Variants in MXD3 observed in about 807,000 individuals in gnomAD.
The protein encoded by MXD3 is MAX dimerization protein 3, also known as Max-associated protein 3.
A neutral mutation model predicts 27.5 loss-of-function variants in MXD3; 20 were observed. That is an observed-to-expected ratio of 0.73 (90% CI 0.51 to 1.06). The LOEUF (loss-of-function observed/expected upper bound fraction) is 1.06. Ranked by LOEUF, MXD3 falls within the 50% of genes least tolerant of loss-of-function variation. The pLI is 0.00. For synonymous variants in MXD3, 150 were observed against 130.7 expected, an observed-to-expected ratio of 1.15 and a Z score of -1.01; for missense variants, 298 against 291.3, an observed-to-expected ratio of 1.02 and a Z score of -0.17.
intron 1 of MXD3, 136 bp downstream of exon 1, chr5:177,311,625 T>C: frequency 8.8e-7 from 1 of 1,141,762 alleles, no homozygotes; most frequent in East Asian, 2.8e-5. Context: ...GCCCCGGGAC[T>C]CCTCTCGAGT....
Position 177,307,432 on chromosome 5 carries a change from G to T in MXD3, c.*156C>A. 1 of 1,509,842 alleles carries T rather than the reference G, an allele frequency of 6.6e-7. No individual in the cohort carries two copies. Among genetic ancestry groups the T allele is most frequent in the Non-Finnish European group, 8.9e-7 (1 of 1,119,228 alleles). 93.5% of individuals were successfully genotyped at this position (1,509,842 alleles called of 1,614,324 possible). On this transcript the variant is annotated 3_prime_UTR_variant, in exon 6 of 6. Coordinates refer to ENST00000439742, the MANE Select transcript of MXD3 (RefSeq NM_031300.4). ...CAGAGGGCCTGCCTGGCAGCCAGCA[G>T]CAGGGTGTTTGGGGAGCACCTGTTC...
chr5:177,307,630 G>A lies in MXD3; in HGVS notation c.579C>T (p.Gly193=). ...EAELLRGFVA[G]QEHSYSHGGG... ...CGCCGTGCGAGTAGCTGTGCTCCTGGCCGGCGACGAAGCCCCGCAGCAGCT... is the reference window on the plus strand; with the variant it reads ...CGCCGTGCGAGTAGCTGTGCTCCTGACCGGCGACGAAGCCCCGCAGCAGCT... The change falls in exon 6 of 6, where the codon GGC becomes GGT. Residue 193 remains glycine, a synonymous_variant. Transcript: ENST00000439742. 1 of 1,613,278 alleles carries A rather than the reference G, an allele frequency of 6.2e-7. No homozygotes were observed. Among genetic ancestry groups the A allele is most frequent in the Non-Finnish European group, 8.5e-7 (1 of 1,179,936 alleles).
At position 177,311,823 on chromosome 5, in the gene MXD3, G is replaced by T; in HGVS notation, c.8C>A (p.Pro3His). Residue 3 changes from proline to histidine, a missense_variant, in exon 1 of 6, where the codon CCC (proline) becomes CAC (histidine). Pro to His is a moderately conservative substitution (Grantham distance 77). Transcript: ENST00000439742. ...CAGGACCTGGATGTTGCTGGCCAAG[G>T]GTTCCATGTCGGCGACAGCTGGCGG... is the stretch of plus-strand genomic sequence containing the variant. MEPLASNIQVLLQ... is the reference protein window; with the variant it reads MEHLASNIQVLLQ... 2 of 1,612,328 alleles carry T rather than the reference G, an allele frequency of 1.2e-6. No individual in the cohort carries two copies. The highest frequency in any genetic ancestry group is 2.2e-5 in the South Asian group (2 of 90,824).
At chr5:177,305,778 G>C (rs2073235191), downstream of MXD3, 2 of 1,020,300 alleles carry the variant, frequency 2.0e-6, no homozygotes, top group African/African-American at 1.6e-5. Flanking sequence ...TCATTGTATT[G>C]CTTCGCCTCA....
chr5:177,307,429 G>A lies in MXD3; in HGVS notation c.*159C>T, dbSNP rs768818111. 1.5e-5 allele frequency: 22 copies of A among 1,505,888 alleles called. No homozygotes were observed. The South Asian group carries it at 2.5e-4, about 17-fold the overall frequency. The allele number at this position is 1,505,888 out of a possible 1,614,324, so 93.3% of individuals were successfully genotyped here. A position where few individuals can be genotyped will look rare whatever the true frequency, so the allele number is the denominator to read the frequency against. On this transcript the variant is annotated 3_prime_UTR_variant, in exon 6 of 6. Coordinates refer to ENST00000439742, the MANE Select transcript of MXD3 (RefSeq NM_031300.4). The stretch of plus-strand genomic sequence containing the variant: ...TTCCAGAGGGCCTGCCTGGCAGCCA[G>A]CAGCAGGGTGTTTGGGGAGCACCTG...
At position 177,307,503 on chromosome 5, in the gene MXD3, A is replaced by G; in HGVS notation, c.*85T>C. On this transcript the variant is annotated 3_prime_UTR_variant, in exon 6 of 6. Coordinates refer to ENST00000439742, the MANE Select transcript of MXD3 (RefSeq NM_031300.4). ...TCCATTCCAACAGGTGACTCCGAGCAGCCCTGAAGGCTTGGGGAGGGCTCC... is the reference window on the plus strand; with the variant it reads ...TCCATTCCAACAGGTGACTCCGAGCGGCCCTGAAGGCTTGGGGAGGGCTCC... The G allele has an allele frequency of 6.4e-7, 1 of 1,559,370 alleles. No homozygotes were observed.
chr5:177,305,803 G>A (rs141847642), downstream of MXD3: 641 of 1,304,064 alleles, frequency 4.9e-4, 3 homozygotes, highest in African/African-American at 8.2e-3. Context: ...AAGTGACAGG[G>A]AGTCAGATTT....
In MXD3 at chr5:177,307,781, C is replaced by T; in HGVS notation, c.505G>A (p.Glu169Lys). 6.2e-7 allele frequency: 1 copy of T among 1,613,168 alleles called. No individual in the cohort carries two copies. Among genetic ancestry groups the T allele is most frequent in the Non-Finnish European group, 8.5e-7 (1 of 1,179,786 alleles). Reference sequence around the variant, plus strand: ...AACCCCTCAGCCTCGGGGCACTCACCTTGGTCTGAGTCTGAGCGCTCAGAG... The same window carrying T: ...AACCCCTCAGCCTCGGGGCACTCACTTTGGTCTGAGTCTGAGCGCTCAGAG... The part of the protein sequence containing the change: ...LSSERSDSDQ[E>K]ELEVDVESLV... The change falls in exon 5 of 6, where the codon GAG becomes AAG. Residue 169 changes from glutamate (E) to lysine (K), a missense_variant and splice_region_variant. By Grantham distance (56) the Glu-to-Lys change is moderately conservative (BLOSUM62 1). Transcript: ENST00000439742.
Position 177,307,395 on chromosome 5 carries a change from CCCCTT to C in MXD3, c.*188_*192del. 1 of 1,490,068 alleles carries C rather than the reference CCCCTT, an allele frequency of 6.7e-7. No individual in the cohort carries two copies. 92.3% of individuals were successfully genotyped at this position (1,490,068 alleles called of 1,614,324 possible). A position where few individuals can be genotyped will look rare whatever the true frequency, so the allele number is the denominator to read the frequency against. On this transcript the variant is annotated 3_prime_UTR_variant, in exon 6 of 6. Coordinates refer to ENST00000439742, the MANE Select transcript of MXD3 (RefSeq NM_031300.4). ...TCCAGGGAGGTCCTGATGAGTCCTG[CCCCTT>C]CCCTTCCAGAGGGCCTGCCTGGCAG...
At chr5:177,311,279 A>G (rs933500806) in intron 2 of MXD3, 100 bp downstream of exon 2, 4 of 736,816 alleles carry the variant, frequency 5.4e-6, no homozygotes, top group Non-Finnish European at 8.3e-6. Flanking sequence ...GGAGCGGGAC[A>G]CCTGGCCCAA....
rs970879659 is a variant in MXD3, at chr5:177,308,378, G to T, written c.322-414C>A. ...GGTCTCCCCGTTTCTTTTGTTTTTT[G>T]TTTTTTTTTTTTGAAACAGAGTCTC... On this transcript the variant is annotated intron_variant, in intron 4 of 5. Transcript: ENST00000439742. Among the ~76,000 whole-genome samples, 21 of 146,510 alleles carry T rather than the reference G, an allele frequency of 1.4e-4. No individual in the cohort carries two copies. In the East Asian group the frequency reaches 2.0e-3, roughly 14 times the overall value.
downstream of MXD3, chr5:177,306,937 CTTG>C: frequency 1.1e-6 from 1 of 888,526 alleles, no homozygotes; most frequent in South Asian, 1.9e-5. Flanking sequence ...TCAATAAATA[CTTG>C]TTGAATTCAG....
intron 3 of MXD3, 29 bp from the exon 4 acceptor site, chr5:177,310,569 C>T: frequency 6.2e-7 from 1 of 1,610,188 alleles, no homozygotes; most frequent in Non-Finnish European, 8.5e-7. Context: ...GAGGGCAGTG[C>T]CAGCCCCACC....
At position 177,307,968 on chromosome 5, in the gene MXD3, C is replaced by T. The variant is rs181836323; in HGVS notation, c.322-4G>A. 433 of 1,540,708 alleles carry T rather than the reference C, an allele frequency of 2.8e-4. 2 individuals carry two copies. The African/African-American group carries it at 5.0e-3, about 18-fold the overall frequency. Reference sequence around the variant, plus strand: ...GCTGCTCCTGATCCTCCAGCTTCTGCGGATCCCAAAGGAGCAAGGGGCTGG... The same window carrying T: ...GCTGCTCCTGATCCTCCAGCTTCTGTGGATCCCAAAGGAGCAAGGGGCTGG... On this transcript the variant is annotated splice_region_variant and splice_polypyrimidine_tract_variant and intron_variant, in intron 4 of 5. Transcript: ENST00000439742.
intron 4 of MXD3, among the ~76,000 whole-genome samples, chr5:177,308,437 A>G (rs1760949547): frequency 6.6e-6 from 1 of 151,998 alleles, no homozygotes; most frequent in Non-Finnish European, 1.5e-5. Flanking sequence ...CAGTGGCACA[A>G]TCTCGGCTCA....
chr5:177,307,051 C>T (rs1025110040), downstream of MXD3: 21 of 1,451,948 alleles, frequency 1.4e-5, no homozygotes, highest in Non-Finnish European at 1.6e-5. Flanking sequence ...TTCTACCATC[C>T]GTGAAGTGGA....
chr5:177,311,671 C>A (rs1761043097), intron 1 of MXD3, 90 bp downstream of exon 1: 5 of 1,376,128 alleles, frequency 3.6e-6, no homozygotes, highest in Non-Finnish European at 5.0e-6. Flanking sequence ...TGTCCTAGGG[C>A]GGTGCATCCT....
At chr5:177,307,725 C>G (rs772486851) in intron 5 of MXD3, 22 bp from the exon 6 acceptor site, 3 of 1,613,590 alleles carry the variant, frequency 1.9e-6, no homozygotes, top group Non-Finnish European at 2.5e-6. Context: ...GGGGTCCGGT[C>G]AGAAGACCTG....
chr5:177,305,629 T>C (rs1760846807), downstream of MXD3: 1 of 522,420 alleles, frequency 1.9e-6, no homozygotes, highest in Non-Finnish European at 3.4e-6. Context: ...GAAGGCCCTT[T>C]GTTGATCTCA....
Sources: gnomAD v4.1 joint callset for allele counts (sites outside exome capture counted in the v4.1 genomes callset) on GRCh38, gnomAD v4.1.1 for gene constraint, MANE v1.5 for transcripts, NCBI Gene and HGNC (gene_info 2026-07-23, HGNC 2026-07-21) for gene names.